AFAP1: variants seen among roughly 807,000 people sequenced by gnomAD.
AFAP1 encodes the protein actin filament-associated protein 1.
AFAP1 carries 75 observed loss-of-function variants against 93.9 expected under a neutral mutation model. The ratio of observed to expected loss-of-function variants is 0.80; its 90% CI spans 0.66 to 0.97. AFAP1 has a LOEUF of 0.97. Among genes scored for constraint, AFAP1 ranks in the 50% least tolerant of loss-of-function variants. AFAP1 has a pLI of 0.00. For synonymous variants in AFAP1, 517 were observed against 430.7 expected (o/e 1.20, Z -2.48); for missense variants, 1,201 against 1,050.8 (o/e 1.14, Z -1.98).
Position 7,759,343 on chromosome 4 carries a change from A to T in AFAP1, c.*4422T>A, listed in dbSNP as rs1348502913. 2 of 152,660 alleles carry T rather than the reference A, an allele frequency of 1.3e-5. No individual in the cohort carries two copies. Among genetic ancestry groups the T allele is most frequent in the South Asian group, 2.1e-4 (1 of 4,836 alleles). 9.5% of individuals were successfully genotyped at this position (152,660 alleles called of 1,614,324 possible). ...GGAAGACCAAAGCCGGAACTATTTC[A>T]TGAACTACGGGCGAAAGGATGCGTC... is the stretch of plus-strand genomic sequence containing the variant. On this transcript the variant is annotated 3_prime_UTR_variant, in exon 18 of 18. Transcript: ENST00000420658.
rs181528541 is a variant in AFAP1 at position 7,878,281 on chromosome 4, C to T, written c.-2-6201G>A. On this transcript the variant is annotated intron_variant, in intron 1 of 17. Coordinates refer to ENST00000420658, the MANE Select transcript of AFAP1 (RefSeq NM_001134647.2). Reference sequence around the variant, plus strand: ...ACACGCAGCAGGTGTAGGACACCCACGTCTCCTCTCCACCCTCCAGAGCTA... The same window carrying T: ...ACACGCAGCAGGTGTAGGACACCCATGTCTCCTCTCCACCCTCCAGAGCTA... Among the ~76,000 whole-genome samples, 100 of 152,330 alleles carry T rather than the reference C, an allele frequency of 6.6e-4. 1 individual carries two copies. Among genetic ancestry groups the T allele is most frequent in the African/African-American group, 2.3e-3 (95 of 41,576 alleles).
At chr4:7,921,990 G>A (rs1720464677) in intron 1 of AFAP1, among the ~76,000 whole-genome samples, 1 of 152,186 alleles carries the variant, frequency 6.6e-6, no homozygotes, top group Non-Finnish European at 1.5e-5. Flanking sequence ...GGGCATGGTG[G>A]TGCATGCCTG....
intron 1 of AFAP1, among the ~76,000 whole-genome samples, chr4:7,931,329 AT>A (rs1289099255): frequency 1.3e-5 from 2 of 152,292 alleles, no homozygotes; most frequent in Admixed American, 1.3e-4. Context: ...AAAAATGAGT[AT>A]TTAATTTTTA....
intron 15 of AFAP1, chr4:7,773,689 G>A: frequency 6.6e-6 from 1 of 152,614 alleles, no homozygotes; most frequent in Non-Finnish European, 1.5e-5. Context: ...TGCTACTTCT[G>A]TCTCATTAAA....
chr4:7,906,905 G>T (rs1402406320), intron 1 of AFAP1, among the ~76,000 whole-genome samples: 1 of 151,850 alleles, frequency 6.6e-6, no homozygotes, highest in Non-Finnish European at 1.5e-5. Flanking sequence ...GGGAGGCTGA[G>T]GAGGAAGAAC....
At chr4:7,878,535 G>T (rs1251611370) in intron 1 of AFAP1, among the ~76,000 whole-genome samples, 1 of 152,142 alleles carries the variant, frequency 6.6e-6, no homozygotes, top group East Asian at 1.9e-4. Context: ...TTTTCCTCCA[G>T]GGCCTCCAGC....
chr4:7,925,867 A>C (rs901780532), intron 1 of AFAP1, among the ~76,000 whole-genome samples: 6 of 151,960 alleles, frequency 3.9e-5, no homozygotes, highest in Non-Finnish European at 7.4e-5. Flanking sequence ...GAAAGAAAGA[A>C]AGAAAGCAAT....
At position 7,763,533 on chromosome 4, in the gene AFAP1, T is replaced by G; in HGVS notation, c.*232A>C. On this transcript the variant is annotated 3_prime_UTR_variant, in exon 18 of 18. Coordinates refer to ENST00000420658, the MANE Select transcript of AFAP1 (RefSeq NM_001134647.2). ...AAACACCTTTCCATCACTTTTTTTG[T>G]TTTTTAACAAAGTTGGGAACCAAAG... 1 of 557,282 alleles carries G rather than the reference T, an allele frequency of 1.8e-6. No individual in the cohort carries two copies. The highest frequency in any genetic ancestry group is 3.2e-6 in the Non-Finnish European group (1 of 316,968). 34.5% of individuals were successfully genotyped at this position (557,282 alleles called of 1,614,324 possible). A position where few individuals can be genotyped will look rare whatever the true frequency, so the allele number is the denominator to read the frequency against.
chr4:7,783,033 G>C (rs1716924511), intron 12 of AFAP1, among the ~76,000 whole-genome samples: 1 of 152,210 alleles, frequency 6.6e-6, no homozygotes, highest in Admixed American at 6.5e-5. Flanking sequence ...CTAGTTTAAA[G>C]TATGTGAGTG....
At chr4:7,798,634 T>C (rs1051699137) in intron 10 of AFAP1, among the ~76,000 whole-genome samples, 1 of 152,242 alleles carries the variant, frequency 6.6e-6, no homozygotes, top group Non-Finnish European at 1.5e-5. Context: ...ATTCTTGCTG[T>C]CGTGTCATTC....
At chr4:7,797,648 G>A (rs1479464386) in intron 10 of AFAP1, among the ~76,000 whole-genome samples, 1 of 152,172 alleles carries the variant, frequency 6.6e-6, no homozygotes, top group African/African-American at 2.4e-5. Flanking sequence ...ACAGGCTGGG[G>A]TTTCCTTGAG....
chr4:7,780,183 C>A (rs1029484036), intron 13 of AFAP1, among the ~76,000 whole-genome samples: 1 of 152,204 alleles, frequency 6.6e-6, no homozygotes. Context: ...AAGAGGCCAA[C>A]GGCTCCCCTA....
intron 1 of AFAP1, among the ~76,000 whole-genome samples, chr4:7,907,400 C>T (rs1009418818): frequency 6.6e-6 from 1 of 152,162 alleles, no homozygotes; most frequent in Non-Finnish European, 1.5e-5. Flanking sequence ...GAATTGAAAC[C>T]AGATATCTCA....
At chr4:7,875,302 G>C (rs1467845722) in intron 1 of AFAP1, among the ~76,000 whole-genome samples, 1 of 152,148 alleles carries the variant, frequency 6.6e-6, no homozygotes, top group Admixed American at 6.5e-5. Flanking sequence ...GGAGAGAAAT[G>C]GTAAATGAGC....
intron 1 of AFAP1, among the ~76,000 whole-genome samples, chr4:7,904,427 G>A (rs1447770441): frequency 6.6e-6 from 1 of 152,128 alleles, no homozygotes; most frequent in Non-Finnish European, 1.5e-5. Flanking sequence ...GATAGACTAT[G>A]TTTAGCCATA....
chr4:7,838,412 T>C lies in AFAP1; in HGVS notation c.726+112A>G, dbSNP rs1290257012. On this transcript the variant is annotated intron_variant, in intron 6 of 17. Coordinates refer to ENST00000420658, the MANE Select transcript of AFAP1 (RefSeq NM_001134647.2). ...GCTATTAAAGACAAAACTCTTTGGG[T>C]GAATCCATCTTGCCTATGCTTGAAC... 2.4e-6 allele frequency: 3 copies of C among 1,261,700 alleles called. No individual in the cohort carries two copies. The African/African-American group carries it at 4.6e-5, about 19-fold the overall frequency. 78.2% of individuals were successfully genotyped at this position (1,261,700 alleles called of 1,614,324 possible).
chr4:7,835,371 T>C lies in AFAP1; in HGVS notation c.726+3153A>G, dbSNP rs192248207. Reference sequence around the variant, plus strand: ...ACCTGGGTGGCTCTTGAATGGACTGTGGGCTGTCTTGAGGTTACCTGGGTG... The same window carrying C: ...ACCTGGGTGGCTCTTGAATGGACTGCGGGCTGTCTTGAGGTTACCTGGGTG... On this transcript the variant is annotated intron_variant, in intron 6 of 17. Coordinates refer to ENST00000420658, the MANE Select transcript of AFAP1 (RefSeq NM_001134647.2). Among the ~76,000 whole-genome samples the C allele has an allele frequency of 1.0e-3, 63 of 61,052 alleles. No individual in the cohort carries two copies. In the East Asian group the frequency reaches 0.013, roughly 12 times the overall value. The allele number at this position is 61,052 out of a possible 152,430, so 40.1% of individuals were successfully genotyped here. A position where few individuals can be genotyped will look rare whatever the true frequency, so the allele number is the denominator to read the frequency against.
chr4:7,772,814 A>C lies in AFAP1; in HGVS notation c.2253+6T>G. On this transcript the variant is annotated splice_donor_region_variant and intron_variant, in intron 16 of 17. Coordinates refer to ENST00000420658, the MANE Select transcript of AFAP1 (RefSeq NM_001134647.2). ...AGCCTCCGAGGTGAGCCAGAAGGAC[A>C]CACACCTGTGGACTCGATGTCCCTG... 6.2e-7 allele frequency: 1 copy of C among 1,613,104 alleles called. No individual in the cohort carries two copies. The highest frequency in any genetic ancestry group is 8.5e-7 in the Non-Finnish European group (1 of 1,179,524).
intron 1 of AFAP1, among the ~76,000 whole-genome samples, chr4:7,874,356 C>CTTTTTTTTTTTTTTTTTT (rs869214535): frequency 3.2e-5 from 3 of 92,440 alleles, no homozygotes; most frequent in African/African-American, 9.4e-5. Context: ...TTGCCTTTTT[C>CTTTTTTTTTTTTTTTTTT]TTTTTTTTTT....
Sources: allele counts gnomAD v4.1 joint callset (sites outside exome capture counted in the v4.1 genomes callset), GRCh38; gene constraint gnomAD v4.1.1; transcripts MANE v1.5; gene names NCBI Gene and HGNC (gene_info 2026-07-23, HGNC 2026-07-21).